Variants in DGKB observed in about 807,000 individuals in gnomAD.
DGKB encodes 90 kDa diacylglycerol kinase.
DGKB carries 67 observed loss-of-function variants against 114.3 expected under a neutral mutation model. The observed-to-expected ratio is 0.59, with a 90% CI of 0.48 to 0.72. The LOEUF (loss-of-function observed/expected upper bound fraction) is 0.72, where lower values mean the gene tolerates loss of function less well. DGKB is among the 30% of genes least tolerant of loss of function. DGKB has a pLI of 0.00. For synonymous variants in DGKB, 398 were observed against 323.1 expected, an observed-to-expected ratio of 1.23 and a Z score of -2.49; for missense variants, 907 against 975.2, an observed-to-expected ratio of 0.93 and a Z score of 0.93.
At chr7:14,899,530 C>T (rs1782646429) in intron 1 of DGKB, among the ~76,000 whole-genome samples, 3 of 152,040 alleles carry the variant, frequency 2.0e-5, no homozygotes, top group African/African-American at 7.2e-5. Flanking sequence ...ACCAGCCTTC[C>T]ACTATATGAT....
chr7:14,468,058 T>A (rs1201041730), intron 21 of DGKB, among the ~76,000 whole-genome samples: 1 of 152,280 alleles, frequency 6.6e-6, no homozygotes, highest in Non-Finnish European at 1.5e-5. Context: ...ATATTATTGA[T>A]AGAATGAATC....
intron 23 of DGKB, among the ~76,000 whole-genome samples, chr7:14,198,774 G>T (rs969488735): frequency 5.9e-5 from 9 of 151,952 alleles, no homozygotes; most frequent in Non-Finnish European, 1.3e-4. Context: ...GGGTCCCAGA[G>T]GTCTCTAAGG....
intron 1 of DGKB, among the ~76,000 whole-genome samples, chr7:14,888,623 T>C (rs1780690972): frequency 6.6e-6 from 1 of 151,752 alleles, no homozygotes; most frequent in South Asian, 2.1e-4. Flanking sequence ...AAAGTGAAAC[T>C]GGAATACCAA....
chr7:14,831,614 C>T (rs1296590608), intron 2 of DGKB, among the ~76,000 whole-genome samples: 1 of 151,954 alleles, frequency 6.6e-6, no homozygotes, highest in African/African-American at 2.4e-5. Context: ...AGAAAAAAAA[C>T]ATGAGGTACA....
At chr7:14,746,750 C>T (rs768865204) in intron 4 of DGKB, among the ~76,000 whole-genome samples, 9 of 152,122 alleles carry the variant, frequency 5.9e-5, no homozygotes, top group South Asian at 4.1e-4. Flanking sequence ...CCATCTGCCT[C>T]GGCCTCCCAA....
intron 23 of DGKB, among the ~76,000 whole-genome samples, chr7:14,321,414 G>A (rs576952486): frequency 6.1e-4 from 93 of 152,122 alleles, no homozygotes; most frequent in Non-Finnish European, 1.1e-3. Context: ...ACAAAACATA[G>A]TAAATTTGAA....
intron 4 of DGKB, among the ~76,000 whole-genome samples, chr7:14,743,118 T>G (rs1337586343): frequency 1.3e-5 from 2 of 152,206 alleles, no homozygotes; most frequent in African/African-American, 4.8e-5. Context: ...TTTAAGAATC[T>G]TACCTCATGG....
chr7:14,149,285 C>CAGAT (rs766759102), intron 25 of DGKB, 47 bp from the exon 26 acceptor site: 45 of 1,388,544 alleles, frequency 3.2e-5, no homozygotes, highest in Non-Finnish European at 4.2e-5. Context: ...GAGTAATCTC[C>CAGAT]AGATAGATAC....
chr7:14,521,847 T>C (rs999093683), intron 20 of DGKB, among the ~76,000 whole-genome samples: 2 of 152,164 alleles, frequency 1.3e-5, no homozygotes, highest in Admixed American at 6.6e-5. Flanking sequence ...CTGTTGAATA[T>C]TGAACTTTTT....
chr7:14,547,273 AAT>A (rs1309846710), intron 20 of DGKB, among the ~76,000 whole-genome samples: 1 of 152,172 alleles, frequency 6.6e-6, no homozygotes, highest in Non-Finnish European at 1.5e-5. Context: ...TAACTAATCT[AAT>A]AATAAGAAAT....
intron 20 of DGKB, among the ~76,000 whole-genome samples, chr7:14,555,158 T>A (rs184144481): frequency 6.6e-6 from 1 of 152,342 alleles, no homozygotes; most frequent in East Asian, 1.9e-4. Flanking sequence ...AATTTGTTTT[T>A]ATTTAAATGA....
chr7:14,894,490 A>G (rs1398114185), intron 1 of DGKB, among the ~76,000 whole-genome samples: 1 of 151,502 alleles, frequency 6.6e-6, no homozygotes, highest in African/African-American at 2.4e-5. Context: ...ATATTGACAA[A>G]TACATCAAAT....
intron 1 of DGKB, among the ~76,000 whole-genome samples, chr7:14,884,175 G>A (rs951380203): frequency 3.3e-5 from 5 of 151,846 alleles, no homozygotes; most frequent in African/African-American, 7.2e-5. Flanking sequence ...ATATGCAAAC[G>A]AAAGAATTCA....
rs1583644102 is a variant in DGKB, at chr7:14,398,681, G to C, written c.1836-53290C>G. ...AGAATGAGAGTAGAGCCAGAATAGA[G>C]ATTAGAAGCTCATCAAGGGGATGGA... is the stretch of plus-strand genomic sequence containing the variant. On this transcript the variant is annotated intron_variant, in intron 21 of 25. Transcript: ENST00000402815. Among the ~76,000 whole-genome samples, 3 of 151,970 alleles carry C rather than the reference G, an allele frequency of 2.0e-5. No homozygotes were observed. The East Asian group carries it at 5.8e-4, about 29-fold the overall frequency.
At chr7:14,621,333 T>C (rs2128815555) in intron 15 of DGKB, 45 bp downstream of exon 15, 1 of 1,164,436 alleles carries the variant, frequency 8.6e-7, no homozygotes, top group Non-Finnish European at 1.3e-6. Context: ...AGCCTAGAAG[T>C]ATCAAATATG....
At chr7:14,878,664 G>A (rs944640565) in intron 1 of DGKB, among the ~76,000 whole-genome samples, 7 of 151,328 alleles carry the variant, frequency 4.6e-5, no homozygotes, top group African/African-American at 1.7e-4. Context: ...CAGGAGAATG[G>A]CGTGAACCCG....
chr7:14,958,367 T>A (rs1407563576), intron 1 of DGKB, among the ~76,000 whole-genome samples: 2 of 150,450 alleles, frequency 1.3e-5, no homozygotes, highest in African/African-American at 4.9e-5. Flanking sequence ...AGACAGTGAA[T>A]GTGTTACACA....
rs1479834983 is a variant in DGKB at position 14,409,598 on chromosome 7, T to C, written c.1836-64207A>G. 4.1e-5 allele frequency among the ~76,000 whole-genome samples: 2 copies of C among 48,428 alleles called. 1 individual carries two copies. The highest frequency in any genetic ancestry group is 1.2e-4 in the African/African-American group (2 of 17,106). The allele number at this position is 48,428 out of a possible 152,430, so 31.8% of individuals were successfully genotyped here. Reference sequence around the variant, plus strand: ...GGCGGGCGCCTGTAGTCCCAGCTACTCGGGAGGCTGAGGCAGGAGAATGGC... The same window carrying C: ...GGCGGGCGCCTGTAGTCCCAGCTACCCGGGAGGCTGAGGCAGGAGAATGGC... On this transcript the variant is annotated intron_variant, in intron 21 of 25. Coordinates refer to ENST00000402815, the MANE Select transcript of DGKB (RefSeq NM_001350709.2).
intron 1 of DGKB, among the ~76,000 whole-genome samples, chr7:14,878,769 C>CA (rs780714176): frequency 0.014 from 1,341 of 95,270 alleles, 16 homozygotes; most frequent in African/African-American, 0.031. Flanking sequence ...AAAAAAAAAA[C>CA]AAAAAAAAAA....
Sources: gnomAD v4.1 joint callset for allele counts (sites outside exome capture counted in the v4.1 genomes callset) on GRCh38, gnomAD v4.1.1 for gene constraint, MANE v1.5 for transcripts, NCBI Gene and HGNC (gene_info 2026-07-23, HGNC 2026-07-21) for gene names.